The following TVP23C variants were observed in gnomAD, a reference collection of about 807,000 sequenced individuals.
TVP23C encodes the protein Golgi apparatus membrane protein TVP23 homolog C.
A neutral mutation model predicts 28.7 loss-of-function variants in TVP23C; 19 were observed. The ratio of observed to expected loss-of-function variants is 0.66; its 90% CI spans 0.46 to 0.97. The LOEUF is 0.97. Among genes scored for constraint, TVP23C ranks in the 50% least tolerant of loss-of-function variants. The pLI is 0.00. For missense variants in TVP23C, 186 were observed against 241.3 expected (o/e 0.77, Z 1.52); for synonymous variants, 68 against 81.7 (o/e 0.83, Z 0.90).
intron 3 of TVP23C, among the ~76,000 whole-genome samples, chr17:15,551,798 T>C (rs1023643351): frequency 6.6e-6 from 1 of 152,186 alleles, no homozygotes; most frequent in African/African-American, 2.4e-5. Flanking sequence ...GGGGTTTAGA[T>C]GAAGATTGAT....
chr17:15,524,063 GGTGTGTGTGTGTGTGT>G (rs10578424), intron 5 of TVP23C, among the ~76,000 whole-genome samples: 59 of 136,348 alleles, frequency 4.3e-4, no homozygotes, highest in African/African-American at 1.1e-3. Context: ...AGCAGAGTGG[GGTGTGTGTGTGTGTGT>G]GTGTGTGTGT....
At chr17:15,508,985 T>G (rs1011069364) in intron 5 of TVP23C, among the ~76,000 whole-genome samples, 3 of 152,210 alleles carry the variant, frequency 2.0e-5, no homozygotes, top group African/African-American at 7.2e-5. Context: ...TTTTTTAACT[T>G]CTATTTTGGG....
At chr17:15,515,610 T>A (rs1982193254) in intron 5 of TVP23C, among the ~76,000 whole-genome samples, 1 of 152,154 alleles carries the variant, frequency 6.6e-6, no homozygotes. Flanking sequence ...TTGTTTTTAT[T>A]AGTGGAGAAT....
In TVP23C at chr17:15,538,823, T is replaced by A. The variant is rs1341755707; in HGVS notation, c.*1589A>T. Reference sequence around the variant, plus strand: ...TAACGAAAAAAACCTAATAAGCACATACATGAAAGTTACCCTAAGGTGGAC... The same window carrying A: ...TAACGAAAAAAACCTAATAAGCACAAACATGAAAGTTACCCTAAGGTGGAC... On this transcript the variant is annotated 3_prime_UTR_variant, in exon 6 of 6. Transcript: ENST00000518321. 2.0e-6 allele frequency: 2 copies of A among 985,318 alleles called. No individual in the cohort carries two copies. Among genetic ancestry groups the A allele is most frequent in the Non-Finnish European group, 2.4e-6 (2 of 829,908 alleles). 61.0% of individuals were successfully genotyped at this position (985,318 alleles called of 1,614,324 possible).
At chr17:15,529,498 G>A (rs551539830) in intron 5 of TVP23C, among the ~76,000 whole-genome samples, 2 of 152,176 alleles carry the variant, frequency 1.3e-5, no homozygotes, top group African/African-American at 4.8e-5. Context: ...AATATGGAGA[G>A]TTTTGTCAGC....
chr17:15,503,059 A>C (rs1361758521), exon 6 of TVP23C: 1 of 1,614,038 alleles, frequency 6.2e-7, no homozygotes, highest in African/African-American at 1.3e-5. Context: ...TCCAGTAAAG[A>C]GCTCGATCCG....
At chr17:15,557,935 T>TG (rs1279962094) in intron 1 of TVP23C, among the ~76,000 whole-genome samples, 1 of 146,956 alleles carries the variant, frequency 6.8e-6, no homozygotes, top group Non-Finnish European at 1.5e-5. Flanking sequence ...CAGTAAGTGA[T>TG]GGATGCGAGA....
downstream of TVP23C, among the ~76,000 whole-genome samples, chr17:15,535,173 T>C (rs1000304485): frequency 5.9e-5 from 9 of 151,844 alleles, no homozygotes; most frequent in Non-Finnish European, 1.3e-4. Flanking sequence ...ATACTTCTTA[T>C]TATAATGTAA....
intron 5 of TVP23C, among the ~76,000 whole-genome samples, chr17:15,513,967 C>T (rs921276598): frequency 8.5e-5 from 13 of 152,302 alleles, no homozygotes; most frequent in African/African-American, 2.4e-4. Context: ...CAGGGGCGGA[C>T]GGTGAGGGAG....
At chr17:15,536,255 A>G (rs966900842), downstream of TVP23C, among the ~76,000 whole-genome samples, 2 of 152,202 alleles carry the variant, frequency 1.3e-5, no homozygotes, top group African/African-American at 4.8e-5. Flanking sequence ...TTCAGACAGT[A>G]TCTACCTCAT....
chr17:15,533,532 C>CA (rs1369106413), downstream of TVP23C, among the ~76,000 whole-genome samples: 2 of 152,262 alleles, frequency 1.3e-5, no homozygotes, highest in South Asian at 2.1e-4. Flanking sequence ...AGATCTACAA[C>CA]AAAAATATAA....
intron 5 of TVP23C, among the ~76,000 whole-genome samples, chr17:15,527,328 T>C (rs1005100826): frequency 6.6e-6 from 1 of 152,188 alleles, no homozygotes; most frequent in African/African-American, 2.4e-5. Flanking sequence ...GTTTTACTTC[T>C]ATCATCTTTA....
chr17:15,507,858 A>G (rs1474492017), intron 5 of TVP23C, among the ~76,000 whole-genome samples: 2 of 152,096 alleles, frequency 1.3e-5, no homozygotes, highest in Non-Finnish European at 2.9e-5. Context: ...AAAAGAAAAA[A>G]CTAAATAACA....
At chr17:15,557,379 C>A (rs1010730806) in intron 1 of TVP23C, among the ~76,000 whole-genome samples, 3 of 145,818 alleles carry the variant, frequency 2.1e-5, no homozygotes, top group African/African-American at 7.4e-5. Flanking sequence ...CAACCTCCAC[C>A]TCCTGGGTTC....
At position 15,540,051 on chromosome 17, in the gene TVP23C, C is replaced by G. The variant is rs1983346012; in HGVS notation, c.*361G>C. 5 of 1,068,306 alleles carry G rather than the reference C, an allele frequency of 4.7e-6. No homozygotes were observed. The highest frequency in any genetic ancestry group is 1.7e-5 in the African/African-American group (1 of 58,294). 66.2% of individuals were successfully genotyped at this position (1,068,306 alleles called of 1,614,324 possible). Reference sequence around the variant, plus strand: ...GAGGTTGCAGTGAGCCGAGATTGCACCACTGCACTCCAGCCTGGGCGACAG... The same window carrying G: ...GAGGTTGCAGTGAGCCGAGATTGCAGCACTGCACTCCAGCCTGGGCGACAG... On this transcript the variant is annotated 3_prime_UTR_variant, in exon 6 of 6. Coordinates refer to ENST00000518321, the MANE Select transcript of TVP23C (RefSeq NM_001135036.2).
chr17:15,540,017 CG>C lies in TVP23C; in HGVS notation c.*394del, dbSNP rs768314292. On this transcript the variant is annotated 3_prime_UTR_variant, in exon 6 of 6. Coordinates refer to ENST00000518321, the MANE Select transcript of TVP23C (RefSeq NM_001135036.2). ...CTGAGGCAGGAGAATCACATGAACC[CG>C]GGGGGCAGAGGTTGCAGTGAGCCGA... 1,091 of 776,944 alleles carry C rather than the reference CG, an allele frequency of 1.4e-3. 1 individual carries two copies. The highest frequency in any genetic ancestry group is 1.6e-3 in the Non-Finnish European group (1,021 of 623,202). 48.1% of individuals were successfully genotyped at this position (776,944 alleles called of 1,614,324 possible).
intron 1 of TVP23C, chr17:15,562,134 G>T (rs935712429): frequency 2.0e-5 from 3 of 152,208 alleles, no homozygotes; most frequent in Non-Finnish European, 4.4e-5. Flanking sequence ...CTGCTCTATG[G>T]AGTAGCCATT....
At position 15,545,773 on chromosome 17, in the gene TVP23C, A is replaced by G. The variant is rs780255130; in HGVS notation, c.462+12T>C. 2.5e-6 allele frequency: 4 copies of G among 1,611,646 alleles called. No homozygotes were observed. The highest frequency in any genetic ancestry group is 2.2e-5 in the South Asian group (2 of 90,788). The stretch of plus-strand genomic sequence containing the variant: ...TTAATGGATTATTTGAAAGTTCTAC[A>G]CTGATACTCACCAGCCACTTTACTG... On this transcript the variant is annotated intron_variant, in intron 5 of 5. Transcript: ENST00000518321.
chr17:15,521,984 G>A (rs1982500783), intron 5 of TVP23C, among the ~76,000 whole-genome samples: 1 of 152,158 alleles, frequency 6.6e-6, no homozygotes, highest in African/African-American at 2.4e-5. Flanking sequence ...TATTGGGTGG[G>A]ACATACATTA....
Sources: allele counts gnomAD v4.1 joint callset (sites outside exome capture counted in the v4.1 genomes callset), GRCh38; gene constraint gnomAD v4.1.1; transcripts MANE v1.5; gene names NCBI Gene and HGNC (gene_info 2026-07-23, HGNC 2026-07-21).